Variants in REG1B observed in about 807,000 individuals in gnomAD.
The protein encoded by REG1B is regenerating family member 1 beta.
In REG1B, 21 loss-of-function variants were observed where a neutral mutation model predicts 20.4. That is an observed-to-expected ratio of 1.03 (90% CI 0.73 to 1.48). REG1B has a LOEUF of 1.48. Ranked by LOEUF, REG1B falls within the 40% of genes most tolerant of loss-of-function variation. The pLI, the probability that REG1B is intolerant of heterozygous loss-of-function variation, is 0.00. For missense variants in REG1B, 247 were observed against 197.2 expected (o/e 1.25, Z -1.51); for synonymous variants, 82 against 73.4 (o/e 1.12, Z -0.60).
Position 79,086,914 on chromosome 2 carries a change from T to G in REG1B, c.81A>C (p.Thr27=), listed in dbSNP as rs139007123. 2.2e-3 allele frequency: 3,574 copies of G among 1,613,670 alleles called. 5 individuals carry two copies. Among genetic ancestry groups the G allele is most frequent in the Non-Finnish European group, 2.7e-3 (3,178 of 1,179,766 alleles). The change falls in exon 3 of 6, where the codon ACA becomes ACC. Residue 27 remains threonine (T), a synonymous_variant. Transcript: ENST00000305089. ...AGCTGATTCGGGGATTAGGCAGCTCTGTCTGGGACTCCTGGCCTGGGGAAA... is the reference window on the plus strand; with the variant it reads ...AGCTGATTCGGGGATTAGGCAGCTCGGTCTGGGACTCCTGGCCTGGGGAAA... ...LSLSQGQESQ[T]ELPNPRISCP...
chr2:79,085,283 C>A lies in REG1B; in HGVS notation c.434G>T (p.Gly145Val). 6.2e-7 allele frequency: 1 copy of A among 1,610,112 alleles called. No individual in the cohort carries two copies. The highest frequency in any genetic ancestry group is 8.5e-7 in the Non-Finnish European group (1 of 1,176,490). The change falls in exon 6 of 6, where the codon GGA (glycine) becomes GTA (valine). Residue 145 changes from glycine to valine, a missense_variant and splice_region_variant. Coordinates refer to ENST00000305089, the MANE Select transcript of REG1B (RefSeq NM_006507.4). The part of the protein sequence containing the change: ...GYCASLTSCS[G>V]FKKWKDESCE... ...AGATTCATCCTTCCATTTCTTGAAT[C>A]CTATGGTACAATGAGAAGTGTCAGA... is the stretch of plus-strand genomic sequence containing the variant.
At chr2:79,086,716 T>A in intron 3 of REG1B, 96 bp downstream of exon 3, 1 of 1,348,508 alleles carries the variant, frequency 7.4e-7, no homozygotes, top group South Asian at 1.2e-5. Context: ...AGGGAAGGGA[T>A]CAATCTTATC....
intron 4 of REG1B, chr2:79,086,069 T>C (rs1007611123): frequency 1.8e-5 from 7 of 386,114 alleles, no homozygotes; most frequent in African/African-American, 1.4e-4. Flanking sequence ...CAGAGGGACC[T>C]CTTCCAAGAC....
In REG1B at chr2:79,085,105, A is replaced by G; in HGVS notation, c.*111T>C. ...GAAGGTACTGAAGATCAGCGATGCA[A>G]ACTCATTAGGGAGGAGATGGTCTGA... On this transcript the variant is annotated 3_prime_UTR_variant, in exon 6 of 6. Transcript: ENST00000305089. 1.3e-6 allele frequency: 1 copy of G among 756,686 alleles called. No homozygotes were observed. Among genetic ancestry groups the G allele is most frequent in the East Asian group, 2.5e-5 (1 of 40,732 alleles). 46.9% of individuals were successfully genotyped at this position (756,686 alleles called of 1,614,324 possible).
intron 1 of REG1B, 71 bp downstream of exon 1, chr2:79,087,888 C>G (rs893111442): frequency 2.3e-5 from 8 of 350,294 alleles, no homozygotes; most frequent in African/African-American, 1.5e-4. Flanking sequence ...GAAAATCACC[C>G]TGTATCTACC....
At chr2:79,086,169 AG>A (rs1418527815) in intron 4 of REG1B, 197 bp downstream of exon 4, 1 of 572,492 alleles carries the variant, frequency 1.7e-6, no homozygotes, top group African/African-American at 1.9e-5. Flanking sequence ...CCCAGAGCCC[AG>A]AAAATTCAGC....
In REG1B at chr2:79,085,099, G is replaced by C. The variant is rs749387207; in HGVS notation, c.*117C>G. The C allele has an allele frequency of 1.9e-5, 14 of 722,540 alleles. No homozygotes were observed. Among genetic ancestry groups the C allele is most frequent in the Non-Finnish European group, 3.5e-5 (14 of 402,274 alleles). 44.8% of individuals were successfully genotyped at this position (722,540 alleles called of 1,614,324 possible). A position where few individuals can be genotyped will look rare whatever the true frequency, so the allele number is the denominator to read the frequency against. ...ACAGGTGAAGGTACTGAAGATCAGC[G>C]ATGCAAACTCATTAGGGAGGAGATG... On this transcript the variant is annotated 3_prime_UTR_variant, in exon 6 of 6. Transcript: ENST00000305089.
Position 79,086,862 on chromosome 2 carries a change from A to T in REG1B, c.133T>A (p.Ser45Thr). ...SCPEGTNAYR[S>T]YCYYFNEDPE... ...TCTTCATTAAAGTAGTAGCAGTAGG[A>T]GCGATAGGCATTGGTGCCTTCTGGG... The change falls in exon 3 of 6, where the codon TCC (serine) becomes ACC (threonine). Residue 45 changes from serine (S) to threonine (T), a missense_variant. Transcript: ENST00000305089. 3 of 1,613,938 alleles carry T rather than the reference A, an allele frequency of 1.9e-6. No individual in the cohort carries two copies. The highest frequency in any genetic ancestry group is 2.5e-6 in the Non-Finnish European group (3 of 1,179,952).
At chr2:79,087,729 C>A (rs967929050) in intron 1 of REG1B, 71 bp from the exon 2 acceptor site, 1 of 933,932 alleles carries the variant, frequency 1.1e-6, no homozygotes, top group Non-Finnish European at 1.6e-6. Flanking sequence ...AACATCCTCT[C>A]CTCTCTGAAT....
chr2:79,086,653 G>A, intron 3 of REG1B, 149 bp from the exon 4 acceptor site: 2 of 1,311,300 alleles, frequency 1.5e-6, no homozygotes. Context: ...TGCTGGGAAT[G>A]TGTCAAATGA....
In REG1B at chr2:79,086,705, T is replaced by C. The variant is rs563179833; in HGVS notation, c.183+107A>G. The stretch of plus-strand genomic sequence containing the variant: ...GGGAAGTTTGGGACCAGTGGTGGAA[T>C]AGGGAAGGGATCAATCTTATCTCAT... On this transcript the variant is annotated intron_variant, in intron 3 of 5. Coordinates refer to ENST00000305089, the MANE Select transcript of REG1B (RefSeq NM_006507.4). 1.5e-5 allele frequency: 20 copies of C among 1,317,058 alleles called. No individual in the cohort carries two copies. In the African/African-American group the frequency reaches 2.3e-4, roughly 15 times the overall value. The allele number at this position is 1,317,058 out of a possible 1,614,324, so 81.6% of individuals were successfully genotyped here.
At chr2:79,087,790 CTT>C in intron 1 of REG1B, 132 bp from the exon 2 acceptor site, 1 of 554,664 alleles carries the variant, frequency 1.8e-6, no homozygotes, top group Non-Finnish European at 3.0e-6. Context: ...AGATATTTCT[CTT>C]TTGGTTTGGG....
At chr2:79,085,646 A>T in intron 4 of REG1B, 43 bp from the exon 5 acceptor site, 2 of 1,285,820 alleles carry the variant, frequency 1.6e-6, no homozygotes, top group Non-Finnish European at 2.2e-6. Context: ...GTCACTCAAA[A>T]ATCAATAGAA....
rs141167987 is a variant in REG1B at position 79,085,596 on chromosome 2, C to A, written c.329G>T (p.Arg110Leu). The change falls in exon 5 of 6, where the codon CGC (arginine) becomes CTC (leucine). Residue 110 changes from arginine to leucine, a missense_variant. Physicochemically the swap from Arg to Leu is moderately radical, Grantham distance 102. Transcript: ENST00000305089. ...CAGGGACCCACTACTCCAGTGCCAG[C>A]GGCGGTTCTAGATGGAGAAGGGCCA... is the stretch of plus-strand genomic sequence containing the variant. ...IGLHDPKKNR[R>L]WHWSSGSLVS... 16 of 1,611,484 alleles carry A rather than the reference C, an allele frequency of 9.9e-6. No individual in the cohort carries two copies. The South Asian group carries it at 1.8e-4, about 18-fold the overall frequency.
At position 79,086,878 on chromosome 2, in the gene REG1B, G is replaced by A. The variant is rs778334069; in HGVS notation, c.117C>T (p.Gly39=). ...AGCAGTAGGAGCGATAGGCATTGGTGCCTTCTGGGCAGCTGATTCGGGGAT... is the reference window on the plus strand; with the variant it reads ...AGCAGTAGGAGCGATAGGCATTGGTACCTTCTGGGCAGCTGATTCGGGGAT... ...LPNPRISCPE[G]TNAYRSYCYY... Residue 39 remains glycine (G), a synonymous_variant, in exon 3 of 6, where the codon GGC becomes GGT. Transcript: ENST00000305089. 1 of 1,613,968 alleles carries A rather than the reference G, an allele frequency of 6.2e-7. No homozygotes were observed.
intron 1 of REG1B, 88 bp from the exon 2 acceptor site, chr2:79,087,746 G>T (rs1672421636): frequency 1.2e-6 from 1 of 841,714 alleles, no homozygotes; most frequent in Non-Finnish European, 1.8e-6. Context: ...GAATTCCTGT[G>T]AGCCGAAAGG....
At chr2:79,085,461 G>A (rs1272029529) in intron 5 of REG1B, 31 bp downstream of exon 5, 2 of 1,552,474 alleles carry the variant, frequency 1.3e-6, no homozygotes, top group Non-Finnish European at 8.9e-7. Flanking sequence ...GAAGGAAATG[G>A]CAACAGGTGG....
At chr2:79,086,253 C>T (rs1672397062) in intron 4 of REG1B, 114 bp downstream of exon 4, 3 of 1,144,556 alleles carry the variant, frequency 2.6e-6, no homozygotes, top group East Asian at 2.5e-5. Context: ...AAAGAGGTTG[C>T]TTTTATTTAA....
intron 5 of REG1B, 57 bp from the exon 6 acceptor site, chr2:79,085,340 T>A (rs1672381989): frequency 7.0e-7 from 1 of 1,438,794 alleles, no homozygotes; most frequent in Non-Finnish European, 9.8e-7. Flanking sequence ...TAGCCCCTCC[T>A]CAACCTAGGA....
Sources: allele counts gnomAD v4.1 joint callset, GRCh38; gene constraint gnomAD v4.1.1; transcripts MANE v1.5; gene names NCBI Gene and HGNC (gene_info 2026-07-23, HGNC 2026-07-21).